The following LRP1B variants were observed in gnomAD, a reference collection of about 807,000 sequenced individuals.
LRP1B encodes LDL receptor related protein 1B.
A neutral mutation model predicts 556.6 loss-of-function variants in LRP1B; 217 were observed. The ratio of observed to expected loss-of-function variants is 0.39; its 90% CI spans 0.35 to 0.44. The LOEUF (loss-of-function observed/expected upper bound fraction) is 0.44, where lower values mean the gene tolerates loss of function less well. Among genes scored for constraint, LRP1B ranks in the 20% least tolerant of loss-of-function variants. The pLI is 1.00. For missense variants in LRP1B, 5,053 were observed against 5,620.8 expected, an observed-to-expected ratio of 0.90 and a Z score of 3.23; for synonymous variants, 2,047 against 1,865.8, an observed-to-expected ratio of 1.10 and a Z score of -2.50.
intron 6 of LRP1B, among the ~76,000 whole-genome samples, chr2:141,214,503 G>A (rs1028113195): frequency 2.0e-5 from 3 of 152,148 alleles, no homozygotes; most frequent in African/African-American, 2.4e-5. Flanking sequence ...AAATAGCAGA[G>A]CTTCCTTCAC....
chr2:140,700,689 T>G (rs926286949), intron 40 of LRP1B, 68 bp from the exon 41 acceptor site: 2 of 1,496,710 alleles, frequency 1.3e-6, no homozygotes, highest in African/African-American at 2.8e-5. Context: ...AACAAAATTC[T>G]CCATAAAGAA....
intron 3 of LRP1B, among the ~76,000 whole-genome samples, chr2:141,266,022 A>G (rs1416794186): frequency 2.0e-5 from 3 of 152,068 alleles, no homozygotes; most frequent in African/African-American, 7.2e-5. Context: ...TGTGTCAGGG[A>G]GAGTAGGAAT....
intron 3 of LRP1B, among the ~76,000 whole-genome samples, chr2:141,317,337 T>G (rs1687070585): frequency 6.6e-6 from 1 of 152,222 alleles, no homozygotes. Flanking sequence ...TCCGCTGGGT[T>G]GGCTTCTCCC....
intron 3 of LRP1B, among the ~76,000 whole-genome samples, chr2:141,272,392 A>C (rs1685123260): frequency 6.6e-6 from 1 of 152,132 alleles, no homozygotes; most frequent in Admixed American, 6.5e-5. Flanking sequence ...GAGAAACATT[A>C]AAAAAGAAAT....
intron 1 of LRP1B, among the ~76,000 whole-genome samples, chr2:141,961,968 T>A (rs1701414966): frequency 6.6e-6 from 1 of 151,756 alleles, no homozygotes; most frequent in South Asian, 2.1e-4. Flanking sequence ...TTCAAGATTA[T>A]TTAAATTAGA....
intron 1 of LRP1B, among the ~76,000 whole-genome samples, chr2:142,049,983 A>G (rs546337661): frequency 1.3e-5 from 2 of 152,260 alleles, no homozygotes; most frequent in South Asian, 2.1e-4. Flanking sequence ...GGAAATCAGA[A>G]GCTCTAAAGG....
chr2:140,923,251 AG>A, intron 20 of LRP1B, 104 bp from the exon 21 acceptor site: 1 of 807,472 alleles, frequency 1.2e-6, no homozygotes, highest in Non-Finnish European at 1.9e-6. Context: ...TTCTTTCTTC[AG>A]GCATTATTAT....
At position 140,314,955 on chromosome 2, in the gene LRP1B, G is replaced by A. The variant is rs2105036263; in HGVS notation, c.12785C>T (p.Thr4262Ile). 6.2e-7 allele frequency: 1 copy of A among 1,606,736 alleles called. No homozygotes were observed. The highest frequency in any genetic ancestry group is 1.3e-5 in the African/African-American group (1 of 74,790). Residue 4262 changes from threonine (T) to isoleucine (I), a missense_variant, in exon 83 of 91, where the codon ACT becomes ATT. Thr to Ile is a moderately conservative substitution (Grantham distance 89). Around this residue, in one of 5 missense-constraint regions of LRP1B, gnomAD observed 551 missense variants for 592.0 expected, o/e 0.93. Coordinates refer to ENST00000389484, the MANE Select transcript of LRP1B (RefSeq NM_018557.3). Reference protein sequence around the residue: ...HCSNYCQNGGTCVPSVLGRPT... With the variant: ...HCSNYCQNGGICVPSVLGRPT... ...TTTACCTAGAACTGATGGTACGCAA[G>A]TTCCTCCATTCTGGCAGTAGTTGCT...
chr2:140,649,813 T>A (rs1314246163), intron 41 of LRP1B, among the ~76,000 whole-genome samples: 2 of 152,224 alleles, frequency 1.3e-5, no homozygotes, highest in African/African-American at 4.8e-5. Flanking sequence ...AGTTTTACAT[T>A]TTTTGACTCC....
At chr2:141,165,937 A>G (rs1680234665) in intron 7 of LRP1B, among the ~76,000 whole-genome samples, 1 of 151,960 alleles carries the variant, frequency 6.6e-6, no homozygotes, top group African/African-American at 2.4e-5. Flanking sequence ...AATCTCTTCT[A>G]TACCTTTTAT....
At chr2:142,127,494 T>C (rs967497861) in intron 1 of LRP1B, among the ~76,000 whole-genome samples, 1 of 151,936 alleles carries the variant, frequency 6.6e-6, no homozygotes, top group African/African-American at 2.4e-5. Flanking sequence ...TTCTTTCTTA[T>C]TGTTTTAGCA....
At chr2:141,392,389 A>G (rs900326899) in intron 3 of LRP1B, among the ~76,000 whole-genome samples, 2 of 150,896 alleles carry the variant, frequency 1.3e-5, no homozygotes, top group Non-Finnish European at 2.9e-5. Flanking sequence ...TGCATGTGGT[A>G]AAAAAACAAA....
intron 63 of LRP1B, among the ~76,000 whole-genome samples, chr2:140,449,468 T>C (rs1009653586): frequency 6.6e-6 from 1 of 152,132 alleles, no homozygotes; most frequent in African/African-American, 2.4e-5. Flanking sequence ...TTGTCTATCA[T>C]AGTAAAAAAC....
At chr2:141,243,892 A>T (rs948163677) in intron 5 of LRP1B, among the ~76,000 whole-genome samples, 1 of 152,158 alleles carries the variant, frequency 6.6e-6, no homozygotes, top group East Asian at 1.9e-4. Context: ...TAGTGTCTAA[A>T]ATCTCCTCCC....
intron 6 of LRP1B, among the ~76,000 whole-genome samples, chr2:141,212,975 T>G (rs1682632187): frequency 6.6e-6 from 1 of 152,180 alleles, no homozygotes; most frequent in Non-Finnish European, 1.5e-5. Context: ...ACTTCTATTC[T>G]TTTTGCTTTT....
At chr2:141,420,898 C>T (rs905824395) in intron 3 of LRP1B, among the ~76,000 whole-genome samples, 2 of 152,164 alleles carry the variant, frequency 1.3e-5, no homozygotes, top group Admixed American at 1.3e-4. Context: ...ATGTTGGGTG[C>T]TTGGTGCACT....
chr2:142,031,774 C>T (rs1437185823), intron 1 of LRP1B, among the ~76,000 whole-genome samples: 2 of 151,658 alleles, frequency 1.3e-5, no homozygotes, highest in Non-Finnish European at 2.9e-5. Flanking sequence ...AATGCTAATC[C>T]CCAGTCTCTC....
Position 140,450,739 on chromosome 2 carries a change from C to T in LRP1B, c.9964-78G>A, listed in dbSNP as rs1686851757. The T allele has an allele frequency of 4.3e-6, 4 of 933,770 alleles. No individual in the cohort carries two copies. In the South Asian group the frequency reaches 4.5e-5, roughly 11 times the overall value. The allele number at this position is 933,770 out of a possible 1,614,324, so 57.8% of individuals were successfully genotyped here. On this transcript the variant is annotated intron_variant, in intron 62 of 90. Coordinates refer to ENST00000389484, the MANE Select transcript of LRP1B (RefSeq NM_018557.3). ...ATGGATAATTTAAAATTTGGCAACACAGCCTAGTCTACTTTTTTGCTGCAG... is the reference window on the plus strand; with the variant it reads ...ATGGATAATTTAAAATTTGGCAACATAGCCTAGTCTACTTTTTTGCTGCAG...
intron 62 of LRP1B, among the ~76,000 whole-genome samples, chr2:140,451,588 C>T (rs528334772): frequency 1.3e-5 from 2 of 152,254 alleles, no homozygotes; most frequent in East Asian, 3.9e-4. Context: ...TTCCTGAACA[C>T]TGAAAATACT....
Sources: allele counts gnomAD v4.1 joint callset (sites outside exome capture counted in the v4.1 genomes callset), GRCh38; gene constraint gnomAD v4.1.1; regional missense constraint gnomAD v4.1.1; transcripts MANE v1.5; gene names NCBI Gene and HGNC (gene_info 2026-07-23, HGNC 2026-07-21).